GTF2A1: variants seen among roughly 807,000 people sequenced by gnomAD.
GTF2A1 encodes the protein transcription initiation factor IIA subunit 1.
A neutral mutation model predicts 54.1 loss-of-function variants in GTF2A1; 12 were observed. The observed-to-expected ratio is 0.22, with a 90% CI of 0.14 to 0.36. The LOEUF (loss-of-function observed/expected upper bound fraction) is 0.36, where lower values mean the gene tolerates loss of function less well. GTF2A1 is among the 10% of genes least tolerant of loss of function. The pLI is 1.00. For synonymous variants in GTF2A1, 145 were observed against 152.0 expected, an observed-to-expected ratio of 0.95 and a Z score of 0.34; for missense variants, 335 against 442.2, an observed-to-expected ratio of 0.76 and a Z score of 2.17.
Position 81,177,447 on chromosome 14 carries a change from G to T in GTF2A1, c.*2776C>A, listed in dbSNP as rs551093661. ...ATTCAAATGGTCTGATTACCCAAAT[G>T]GCCACCAAGCAAGAGTTTGTATACT... is the stretch of plus-strand genomic sequence containing the variant. On this transcript the variant is annotated 3_prime_UTR_variant, in exon 9 of 9. Transcript: ENST00000553612. 8.5e-5 allele frequency: 13 copies of T among 152,132 alleles called. 1 individual carries two copies. Among genetic ancestry groups the T allele is most frequent in the Admixed American group, 6.5e-4 (10 of 15,274 alleles). 9.4% of individuals were successfully genotyped at this position (152,132 alleles called of 1,614,324 possible).
chr14:81,180,466 A>T (rs1451294374), intron 8 of GTF2A1, 136 bp from the exon 9 acceptor site: 1 of 513,652 alleles, frequency 1.9e-6, no homozygotes, highest in African/African-American at 2.0e-5. Flanking sequence ...TGTATTTGCA[A>T]ATTGGTTTGT....
chr14:81,217,754 T>TG lies in GTF2A1; in HGVS notation c.31-1241dup, dbSNP rs141671130. On this transcript the variant is annotated intron_variant, in intron 1 of 8. Coordinates refer to ENST00000553612, the MANE Select transcript of GTF2A1 (RefSeq NM_015859.4). Reference sequence around the variant, plus strand: ...GTGCAGTGAGCCAAGATTGCACCACTGCCCTCCAGCCTGGGTGACAGGCCC... The same window carrying TG: ...GTGCAGTGAGCCAAGATTGCACCACTGGCCCTCCAGCCTGGGTGACAGGCCC... Among the ~76,000 whole-genome samples, 1,061 of 152,256 alleles carry TG rather than the reference T, an allele frequency of 7.0e-3. 17 individuals carry two copies. The highest frequency in any genetic ancestry group is 0.025 in the African/African-American group (1,022 of 41,518).
rs1595237237 is a variant in GTF2A1, at chr14:81,220,731, T to G, written c.-213A>C. The G allele has an allele frequency of 7.8e-5, 19 of 242,974 alleles. No homozygotes were observed. Among genetic ancestry groups the G allele is most frequent in the East Asian group, 1.9e-4 (3 of 15,686 alleles). The allele number at this position is 242,974 out of a possible 1,614,324, so 15.1% of individuals were successfully genotyped here. A position where few individuals can be genotyped will look rare whatever the true frequency, so the allele number is the denominator to read the frequency against. ...CTCCCGCAGCTGAAAACCTCGAGAA[T>G]CGCCTTAAAAAAAAAAAAAAAGCCA... is the stretch of plus-strand genomic sequence containing the variant. On this transcript the variant is annotated 5_prime_UTR_variant, in exon 1 of 9. Coordinates refer to ENST00000553612, the MANE Select transcript of GTF2A1 (RefSeq NM_015859.4).
Position 81,180,114 on chromosome 14 carries a change from T to C in GTF2A1, c.*109A>G, listed in dbSNP as rs1424484285. 1 of 544,132 alleles carries C rather than the reference T, an allele frequency of 1.8e-6. No individual in the cohort carries two copies. Among genetic ancestry groups the C allele is most frequent in the African/African-American group, 2.0e-5 (1 of 51,122 alleles). The allele number at this position is 544,132 out of a possible 1,614,324, so 33.7% of individuals were successfully genotyped here. On this transcript the variant is annotated 3_prime_UTR_variant, in exon 9 of 9. Transcript: ENST00000553612. Reference sequence around the variant, plus strand: ...AGTAGCTTTGCTTCTACTGCACTTTTCTGACATGCAGAAACGAAGTTTTGG... The same window carrying C: ...AGTAGCTTTGCTTCTACTGCACTTTCCTGACATGCAGAAACGAAGTTTTGG...
chr14:81,192,452 A>C (rs1892895261), intron 7 of GTF2A1, 67 bp downstream of exon 7: 5 of 1,133,308 alleles, frequency 4.4e-6, no homozygotes. Context: ...ATAATTTATC[A>C]GTGTTGTACC....
chr14:81,209,087 T>G, intron 2 of GTF2A1, among the ~76,000 whole-genome samples: 1 of 152,108 alleles, frequency 6.6e-6, no homozygotes, highest in Non-Finnish European at 1.5e-5. Context: ...GACATGAGAT[T>G]TGGAGGGCCA....
intron 2 of GTF2A1, among the ~76,000 whole-genome samples, chr14:81,207,141 ACCTACC>A (rs1566859309): frequency 1.3e-4 from 2 of 15,820 alleles, no homozygotes; most frequent in Non-Finnish European, 2.8e-4. Flanking sequence ...CTACCTACGT[ACCTACC>A]TACCTACCTA....
rs555990842 is a variant in GTF2A1 at position 81,210,618 on chromosome 14, G to A, written c.132+5795C>T. 3.9e-4 allele frequency among the ~76,000 whole-genome samples: 59 copies of A among 152,148 alleles called. 1 individual carries two copies. The highest frequency in any genetic ancestry group is 1.3e-3 in the African/African-American group (54 of 41,508). On this transcript the variant is annotated intron_variant, in intron 2 of 8. Transcript: ENST00000553612. ...TGTCCGGGCTGGAGTGCAATGGTGC[G>A]ATCTCGGCTCACTGCAACCTCCACC...
intron 4 of GTF2A1, among the ~76,000 whole-genome samples, chr14:81,199,346 T>C (rs1377181277): frequency 1.3e-5 from 2 of 152,172 alleles, no homozygotes; most frequent in Non-Finnish European, 2.9e-5. Flanking sequence ...TTTCTTCTTG[T>C]ATTCCACAAA....
At chr14:81,192,471 A>G (rs747511245) in intron 7 of GTF2A1, 48 bp downstream of exon 7, 2 of 1,407,340 alleles carry the variant, frequency 1.4e-6, no homozygotes, top group Non-Finnish European at 2.0e-6. Flanking sequence ...CCAACTAAAA[A>G]AGGAAATAAT....
In GTF2A1 at chr14:81,185,561, T is replaced by C. The variant is rs750372292; in HGVS notation, c.993A>G (p.Thr331=). ...SDEEGQELFD[T]ENVVVCQYDK... Reference sequence around the variant, plus strand: ...CATATTGGCATACAACAACATTTTCTGTGTCAAAGAGTTCCTGTCCTTCCT... The same window carrying C: ...CATATTGGCATACAACAACATTTTCCGTGTCAAAGAGTTCCTGTCCTTCCT... The change falls in exon 8 of 9, where the codon ACA becomes ACG. Residue 331 remains threonine (T), a synonymous_variant. Coordinates refer to ENST00000553612, the MANE Select transcript of GTF2A1 (RefSeq NM_015859.4). The C allele has an allele frequency of 6.3e-7, 1 of 1,592,696 alleles. No homozygotes were observed. Among genetic ancestry groups the C allele is most frequent in the Non-Finnish European group, 8.6e-7 (1 of 1,160,754 alleles).
chr14:81,195,540 G>C (rs1481935766), intron 6 of GTF2A1, among the ~76,000 whole-genome samples: 1 of 148,990 alleles, frequency 6.7e-6, no homozygotes, highest in Non-Finnish European at 1.5e-5. Flanking sequence ...GCTGAGGCAG[G>C]AGAATGGCAT....
chr14:81,189,692 C>T (rs1049579750), intron 7 of GTF2A1, among the ~76,000 whole-genome samples: 9 of 151,716 alleles, frequency 5.9e-5, no homozygotes, highest in Admixed American at 2.6e-4. Context: ...GGATCAAGCA[C>T]ACAAAAAATA....
intron 8 of GTF2A1, among the ~76,000 whole-genome samples, chr14:81,181,907 T>C (rs1016009349): frequency 3.9e-5 from 6 of 152,194 alleles, no homozygotes; most frequent in African/African-American, 1.4e-4. Flanking sequence ...GTGCAAACAT[T>C]CTTCATGACA....
rs573158851 is a variant in GTF2A1, at chr14:81,190,199, T to C, written c.933+2320A>G. Among the ~76,000 whole-genome samples, 7 of 152,032 alleles carry C rather than the reference T, an allele frequency of 4.6e-5. No individual in the cohort carries two copies. The East Asian group carries it at 1.4e-3, about 29-fold the overall frequency. ...AACAAAATACTTGAAGGGCATGAGATTACTAGACCCAGGTATCTGTAGTGT... is the reference window on the plus strand; with the variant it reads ...AACAAAATACTTGAAGGGCATGAGACTACTAGACCCAGGTATCTGTAGTGT... On this transcript the variant is annotated intron_variant, in intron 7 of 8. Coordinates refer to ENST00000553612, the MANE Select transcript of GTF2A1 (RefSeq NM_015859.4).
chr14:81,198,058 G>A (rs1893027880), intron 4 of GTF2A1, among the ~76,000 whole-genome samples: 1 of 152,120 alleles, frequency 6.6e-6, no homozygotes, highest in South Asian at 2.1e-4. Context: ...CTTCTAAGAT[G>A]TCATATTAGC....
At chr14:81,181,866 C>T (rs927826318) in intron 8 of GTF2A1, among the ~76,000 whole-genome samples, 1 of 152,180 alleles carries the variant, frequency 6.6e-6, no homozygotes, top group African/African-American at 2.4e-5. Context: ...TCTGAGATCT[C>T]ATTCCTAAAA....
intron 1 of GTF2A1, among the ~76,000 whole-genome samples, 154 bp downstream of exon 1, chr14:81,220,335 C>G (rs1409373411): frequency 1.4e-5 from 2 of 145,638 alleles, no homozygotes; most frequent in Non-Finnish European, 3.1e-5. Flanking sequence ...GCGCTCCGGC[C>G]CGATCCGCCC....
In GTF2A1 at chr14:81,177,661, C is replaced by T. The variant is rs1382330434; in HGVS notation, c.*2562G>A. 6.6e-6 allele frequency: 1 copy of T among 152,126 alleles called. No homozygotes were observed. Among genetic ancestry groups the T allele is most frequent in the African/African-American group, 2.4e-5 (1 of 41,442 alleles). 9.4% of individuals were successfully genotyped at this position (152,126 alleles called of 1,614,324 possible). ...TATTTTCTGCCTTTAGATAAACATG[C>T]TACTTTCATTTTCAAATTCTGAAAG... is the stretch of plus-strand genomic sequence containing the variant. On this transcript the variant is annotated 3_prime_UTR_variant, in exon 9 of 9. Coordinates refer to ENST00000553612, the MANE Select transcript of GTF2A1 (RefSeq NM_015859.4).
Sources: gnomAD v4.1 joint callset for allele counts (sites outside exome capture counted in the v4.1 genomes callset) on GRCh38, gnomAD v4.1.1 for gene constraint, MANE v1.5 for transcripts, NCBI Gene and HGNC (gene_info 2026-07-23, HGNC 2026-07-21) for gene names.